The following RHOU variants were observed in gnomAD, a reference collection of about 807,000 sequenced individuals.
The protein encoded by RHOU is rho-related GTP-binding protein RhoU.
In RHOU, 8 loss-of-function variants were observed where a neutral mutation model predicts 12.6. The ratio of observed to expected loss-of-function variants is 0.64; its 90% CI spans 0.37 to 1.15. RHOU has a LOEUF of 1.15. Among genes scored for constraint, RHOU ranks in the 50% most tolerant of loss-of-function variants. RHOU has a pLI of 0.01. For synonymous variants in RHOU, 161 were observed against 147.4 expected (o/e 1.09, Z -0.67); for missense variants, 258 against 347.0 (o/e 0.74, Z 2.04).
chr1:228,696,335 C>A, the RHOU span, among the ~76,000 whole-genome samples: 1 of 150,178 alleles, frequency 6.7e-6, no homozygotes, highest in Non-Finnish European at 1.5e-5. Flanking sequence ...GTAGAGATTT[C>A]CAAATATTAA....
chr1:228,707,261 T>TA, the RHOU span, among the ~76,000 whole-genome samples: 51 of 75,716 alleles, frequency 6.7e-4, no homozygotes, highest in African/African-American at 4.8e-3. Flanking sequence ...ATATAGTGTG[T>TA]GTGTGTGTGT....
chr1:228,647,204 G>A, the RHOU span, among the ~76,000 whole-genome samples: 1 of 152,206 alleles, frequency 6.6e-6, no homozygotes, highest in East Asian at 1.9e-4. Flanking sequence ...GCGCTGAGAC[G>A]GGTTTTTTCT....
chr1:228,712,554 G>A, the RHOU span, among the ~76,000 whole-genome samples: 9 of 150,212 alleles, frequency 6.0e-5, no homozygotes, highest in South Asian at 1.0e-3. Context: ...GTAAACTATC[G>A]CAAGAACAAA....
At chr1:228,743,000 A>G (rs970208962) in intron 2 of RHOU, among the ~76,000 whole-genome samples, 2 of 152,146 alleles carry the variant, frequency 1.3e-5, no homozygotes, top group South Asian at 4.1e-4. Flanking sequence ...CACTTTTTCT[A>G]TGTTAAGCTG....
the RHOU span, among the ~76,000 whole-genome samples, chr1:228,698,090 G>A: frequency 1.1e-4 from 16 of 152,046 alleles, no homozygotes; most frequent in South Asian, 2.1e-4. Flanking sequence ...ATATTTTGAC[G>A]TCTACAGTTT....
At chr1:228,729,030 G>T in the RHOU span, among the ~76,000 whole-genome samples, 3 of 151,880 alleles carry the variant, frequency 2.0e-5, no homozygotes, top group Non-Finnish European at 2.9e-5. Context: ...CAAGTAGCTG[G>T]GGCTACAGGT....
chr1:228,725,805 T>A, the RHOU span, among the ~76,000 whole-genome samples: 2 of 152,240 alleles, frequency 1.3e-5, no homozygotes, highest in African/African-American at 4.8e-5. Flanking sequence ...CATAAAGTAG[T>A]TGATTGTTTA....
chr1:228,707,085 C>A, the RHOU span, among the ~76,000 whole-genome samples: 1 of 123,130 alleles, frequency 8.1e-6, no homozygotes. Flanking sequence ...CCTTTGGGAC[C>A]TTTAGGACAT....
the RHOU span, among the ~76,000 whole-genome samples, chr1:228,706,482 G>A: frequency 5.9e-5 from 9 of 152,204 alleles, no homozygotes; most frequent in Non-Finnish European, 1.0e-4. Flanking sequence ...TGCCTTATTT[G>A]AACAGTTAAC....
At chr1:228,719,750 C>A in the RHOU span, among the ~76,000 whole-genome samples, 15 of 151,924 alleles carry the variant, frequency 9.9e-5, no homozygotes, top group African/African-American at 3.6e-4. Flanking sequence ...AAAAAACATA[C>A]AAGCAAACAA....
chr1:228,731,499 G>A (rs142743113), upstream of RHOU, among the ~76,000 whole-genome samples: 2 of 152,170 alleles, frequency 1.3e-5, no homozygotes, highest in Admixed American at 6.5e-5. Flanking sequence ...ACACAAAAAC[G>A]AACAGATGGC....
the RHOU span, among the ~76,000 whole-genome samples, chr1:228,647,156 C>T: frequency 6.6e-6 from 1 of 152,192 alleles, no homozygotes; most frequent in Non-Finnish European, 1.5e-5. Context: ...TGTGCCTGAG[C>T]AGGGCGGCCA....
the RHOU span, among the ~76,000 whole-genome samples, chr1:228,709,908 G>A: frequency 1.8e-3 from 281 of 152,012 alleles, 2 homozygotes; most frequent in Middle Eastern, 6.8e-3. Context: ...TTGATAGACC[G>A]CTAGCAAGAC....
the RHOU span, among the ~76,000 whole-genome samples, chr1:228,708,873 A>G: frequency 4.6e-5 from 7 of 152,352 alleles, no homozygotes; most frequent in African/African-American, 1.4e-4. Flanking sequence ...CAAATTGGAT[A>G]AAGAGTCAAG....
chr1:228,646,826 A>G, the RHOU span, among the ~76,000 whole-genome samples: 1 of 152,072 alleles, frequency 6.6e-6, no homozygotes, highest in East Asian at 2.0e-4. Context: ...ACGGTGAAAC[A>G]CAGACACACA....
the RHOU span, among the ~76,000 whole-genome samples, chr1:228,699,239 A>C: frequency 2.6e-5 from 4 of 151,696 alleles, no homozygotes. Context: ...TGAGGCCAGG[A>C]GTTCAAGACC....
chr1:228,687,909 C>T, the RHOU span: 55 of 765,380 alleles, frequency 7.2e-5, 1 homozygote, highest in East Asian at 5.5e-4. Flanking sequence ...ATTGTTCTCC[C>T]CCTCTCCCTC....
the RHOU span, among the ~76,000 whole-genome samples, chr1:228,728,754 G>T: frequency 6.6e-6 from 1 of 152,086 alleles, no homozygotes; most frequent in Non-Finnish European, 1.5e-5. Flanking sequence ...ACTATACAGT[G>T]CACACCTATA....
chr1:228,663,054 A>T, the RHOU span, among the ~76,000 whole-genome samples: 3 of 152,216 alleles, frequency 2.0e-5, no homozygotes, highest in Admixed American at 2.0e-4. Flanking sequence ...ATATGGTTTT[A>T]ACTTTTGTGA....
Sources: gnomAD v4.1 joint callset for allele counts (sites outside exome capture counted in the v4.1 genomes callset) on GRCh38, gnomAD v4.1.1 for gene constraint, MANE v1.5 for transcripts, NCBI Gene and HGNC (gene_info 2026-07-23, HGNC 2026-07-21) for gene names.